The following RFC2 variants were observed in gnomAD, a reference collection of about 807,000 sequenced individuals.
RFC2 encodes A1 40 kDa subunit.
RFC2 carries 34 observed loss-of-function variants against 44.8 expected under a neutral mutation model. That is an observed-to-expected ratio of 0.76 (90% CI 0.58 to 1.01). The LOEUF (loss-of-function observed/expected upper bound fraction) is 1.01. Among genes scored for constraint, RFC2 ranks in the 50% least tolerant of loss-of-function variants. The probability of loss-of-function intolerance (pLI) is 0.00; values close to 1 mark genes in which losing one functional copy is unlikely to be tolerated. For missense variants in RFC2, 400 were observed against 453.6 expected (o/e 0.88, Z 1.07); for synonymous variants, 177 against 168.9 (o/e 1.05, Z -0.37).
At chr7:74,249,949 T>G in intron 2 of RFC2, 169 bp from the exon 3 acceptor site, 2 of 662,394 alleles carry the variant, frequency 3.0e-6, no homozygotes, top group Non-Finnish European at 2.8e-6. Context: ...ACTTGAGGCC[T>G]GAGGCCAGCC....
intron 2 of RFC2, 105 bp downstream of exon 2, chr7:74,252,324 A>C: frequency 3.2e-6 from 2 of 624,098 alleles, no homozygotes. Context: ...GGAGAATGGC[A>C]TGAACCCGGG....
chr7:74,244,560 G>A (rs902259954), intron 5 of RFC2, among the ~76,000 whole-genome samples: 2 of 151,616 alleles, frequency 1.3e-5, no homozygotes, highest in African/African-American at 4.8e-5. Flanking sequence ...TAGTAGAGAC[G>A]GGGTTTCCAC....
intron 3 of RFC2, 101 bp from the exon 4 acceptor site, chr7:74,249,219 C>G (rs782328560): frequency 6.3e-7 from 1 of 1,575,752 alleles, no homozygotes; most frequent in Non-Finnish European, 8.6e-7. Context: ...CACCTCTGAC[C>G]CCTGCATTCC....
At chr7:74,248,981 G>T (rs781862830) in intron 4 of RFC2, 31 bp downstream of exon 4, 4 of 1,468,592 alleles carry the variant, frequency 2.7e-6, no homozygotes, top group African/African-American at 1.4e-5. Flanking sequence ...CAGAGCACCC[G>T]CCCCCCTACA....
rs2116275536 is a variant in RFC2, at chr7:74,238,943, T to TA, written c.738dup (p.Asn247Ter). 1 of 1,614,050 alleles carries TA rather than the reference T, an allele frequency of 6.2e-7. No homozygotes were observed. The highest frequency in any genetic ancestry group is 2.2e-5 in the East Asian group (1 of 44,880). On this transcript the variant is annotated frameshift_variant, in exon 8 of 11. Coordinates refer to ENST00000055077, the MANE Select transcript of RFC2 (RefSeq NM_181471.3). LOFTEE classifies it high-confidence loss of function. This position sits in a 1 kb window ranked among gnomAD's most constrained non-coding sequence, Gnocchi z 4.0. The stretch of plus-strand genomic sequence containing the variant: ...TGTACCTTGAACACGTTCTCACTGT[T>TA]AATGAAGCCAAATCCTGAGAAGGTG...
Position 74,235,556 on chromosome 7 carries a change from T to C in RFC2, c.930A>G (p.Glu310=), listed in dbSNP as rs1802967335. 6.2e-7 allele frequency: 1 copy of C among 1,609,050 alleles called. No homozygotes were observed. Among genetic ancestry groups the C allele is most frequent in the Non-Finnish European group, 8.5e-7 (1 of 1,175,484 alleles). Residue 310 remains glutamate, a synonymous_variant, in exon 10 of 11, where the codon GAA becomes GAG. Transcript: ENST00000055077. ...FRVCKTFQMA[E]YLKLEFIKEI... ...CCTTGATAAACTCCAGTTTCAGGTATTCTGCCATTTGGAAAGTTTTACACA... is the reference window on the plus strand; with the variant it reads ...CCTTGATAAACTCCAGTTTCAGGTACTCTGCCATTTGGAAAGTTTTACACA...
intron 5 of RFC2, among the ~76,000 whole-genome samples, chr7:74,244,068 C>T (rs577503272): frequency 7.9e-6 from 1 of 126,460 alleles, no homozygotes; most frequent in African/African-American, 3.1e-5. Flanking sequence ...CTGGCCAACA[C>T]AGCAAAACGT....
chr7:74,244,096 C>CAAAAAAAAAAAA (rs1179272254), intron 5 of RFC2, among the ~76,000 whole-genome samples: 2 of 41,618 alleles, frequency 4.8e-5, no homozygotes, highest in African/African-American at 1.5e-4. Context: ...ACTAAAAATA[C>CAAAAAAAAAAAA]AAAAAAAAAA....
chr7:74,248,975 G>T, intron 4 of RFC2, 37 bp downstream of exon 4: 1 of 1,426,552 alleles, frequency 7.0e-7, no homozygotes, highest in Non-Finnish European at 9.9e-7. Context: ...TCAATGCAGA[G>T]CACCCGCCCC....
chr7:74,253,296 C>G (rs1180230707), intron 1 of RFC2, among the ~76,000 whole-genome samples: 1 of 151,812 alleles, frequency 6.6e-6, no homozygotes, highest in African/African-American at 2.4e-5. Context: ...TCTTGGGTCA[C>G]TACCAACCTC....
intron 10 of RFC2, among the ~76,000 whole-genome samples, chr7:74,235,167 G>C (rs1414911697): frequency 1.3e-5 from 2 of 152,180 alleles, no homozygotes; most frequent in African/African-American, 4.8e-5. Context: ...CTCCCAAGTA[G>C]CTGGGATTAT....
intron 1 of RFC2, among the ~76,000 whole-genome samples, chr7:74,253,066 A>G (rs1403929064): frequency 6.6e-6 from 1 of 152,238 alleles, no homozygotes; most frequent in African/African-American, 2.4e-5. Flanking sequence ...CTGCTGGAGC[A>G]CGGCCAGCAC....
intron 9 of RFC2, among the ~76,000 whole-genome samples, chr7:74,236,448 T>C (rs1554718316): frequency 1.3e-5 from 2 of 152,172 alleles, no homozygotes; most frequent in African/African-American, 4.8e-5. Flanking sequence ...AGGGAAACCA[T>C]GACTGGATCA....
At chr7:74,235,046 T>C (rs1390005062) in intron 10 of RFC2, among the ~76,000 whole-genome samples, 1 of 152,146 alleles carries the variant, frequency 6.6e-6, no homozygotes, top group Non-Finnish European at 1.5e-5. Context: ...ACAGTCTTTT[T>C]TTTTTGTTTT....
chr7:74,250,622 C>T (rs1233543539), intron 2 of RFC2, among the ~76,000 whole-genome samples: 1 of 152,078 alleles, frequency 6.6e-6, no homozygotes, highest in Non-Finnish European at 1.5e-5. Context: ...TCGTCTCCAG[C>T]GTCCTTTACT....
At chr7:74,234,005 A>C (rs1802872898) in intron 10 of RFC2, 1 of 435,608 alleles carries the variant, frequency 2.3e-6, no homozygotes, top group Non-Finnish European at 4.7e-6. Flanking sequence ...CCATATATGC[A>C]AATGTTTACA....
At chr7:74,252,531 G>T (rs782566268) in intron 1 of RFC2, 33 bp from the exon 2 acceptor site, 2 of 1,291,016 alleles carry the variant, frequency 1.5e-6, no homozygotes, top group Non-Finnish European at 2.3e-6. Flanking sequence ...TGCTGACATG[G>T]TTATCTTCAC....
intron 10 of RFC2, among the ~76,000 whole-genome samples, chr7:74,234,985 A>C (rs1802923087): frequency 6.6e-6 from 1 of 152,090 alleles, no homozygotes; most frequent in South Asian, 2.1e-4. Context: ...GGAAACACTG[A>C]GCACCTTCTA....
intron 10 of RFC2, among the ~76,000 whole-genome samples, chr7:74,233,414 TAAAAAA>T (rs1675151101): frequency 2.0e-5 from 3 of 151,910 alleles, no homozygotes; most frequent in Admixed American, 2.0e-4. Flanking sequence ...ACAATTAAAA[TAAAAAA>T]TGTAAAAATT....
Sources: allele counts gnomAD v4.1 joint callset (sites outside exome capture counted in the v4.1 genomes callset), GRCh38; gene constraint gnomAD v4.1.1; non-coding constraint Gnocchi (gnomAD v3.1); transcripts MANE v1.5; gene names NCBI Gene and HGNC (gene_info 2026-07-23, HGNC 2026-07-21).